Variants in COL26A1 observed in about 807,000 individuals in gnomAD.
COL26A1 encodes collagen alpha-1(XXVI) chain.
In COL26A1, 41 loss-of-function variants were observed where a neutral mutation model predicts 59.3. The observed-to-expected ratio is 0.69, with a 90% confidence interval of 0.54 to 0.90. COL26A1 has a LOEUF of 0.90. COL26A1 is among the 40% of genes least tolerant of loss of function. The pLI, the probability that COL26A1 is intolerant of heterozygous loss-of-function variation, is 0.00. For synonymous variants in COL26A1, 266 were observed against 256.0 expected (o/e 1.04, Z -0.37); for missense variants, 612 against 602.3 (o/e 1.02, Z -0.17).
In COL26A1 at chr7:101,544,115, T is replaced by A. The variant is rs1159556793; in HGVS notation, c.703+19T>A. The A allele has an allele frequency of 6.4e-7, 1 of 1,569,106 alleles. No homozygotes were observed. Among genetic ancestry groups the A allele is most frequent in the South Asian group, 1.2e-5 (1 of 86,140 alleles). On this transcript the variant is annotated intron_variant, in intron 6 of 12. Coordinates refer to ENST00000313669, the MANE Select transcript of COL26A1 (RefSeq NM_001278563.3). Reference sequence around the variant, plus strand: ...CCGCCTGGTAAGAAAACCCCCCACATATGTGATGTTGTCAACCTGCGGAAG... The same window carrying A: ...CCGCCTGGTAAGAAAACCCCCCACAAATGTGATGTTGTCAACCTGCGGAAG...
At chr7:101,511,046 G>A (rs1384256167) in intron 3 of COL26A1, among the ~76,000 whole-genome samples, 1 of 151,748 alleles carries the variant, frequency 6.6e-6, no homozygotes, top group African/African-American at 2.4e-5. Context: ...GACTACAGGC[G>A]CCCACCACCA....
intron 2 of COL26A1, among the ~76,000 whole-genome samples, chr7:101,424,327 G>C (rs1792592915): frequency 6.6e-6 from 1 of 152,204 alleles, no homozygotes; most frequent in African/African-American, 2.4e-5. Context: ...GCCGGGTGTG[G>C]TGGCTCACAC....
At chr7:101,549,706 G>A (rs1795820637) in intron 9 of COL26A1, among the ~76,000 whole-genome samples, 1 of 152,210 alleles carries the variant, frequency 6.6e-6, no homozygotes, top group African/African-American at 2.4e-5. Context: ...ATTAGCAGCA[G>A]TGACTCTTTG....
chr7:101,444,417 C>CT (rs71517174), intron 2 of COL26A1, among the ~76,000 whole-genome samples: 5,038 of 137,720 alleles, frequency 0.037, 249 homozygotes, highest in African/African-American at 0.11. Context: ...TTCCTTTCTT[C>CT]TTTTTTTTTT....
At position 101,433,736 on chromosome 7, in the gene COL26A1, G is replaced by C. The variant is rs560122422; in HGVS notation, c.281+13637G>C. On this transcript the variant is annotated intron_variant, in intron 2 of 12. Transcript: ENST00000313669. ...CAGGGTGGCTCGGAGAAAGAGGGGG[G>C]CCCTGTCAGAGCAGCAACAGGAGGG... 2.8e-3 allele frequency among the ~76,000 whole-genome samples: 429 copies of C among 152,166 alleles called. 2 individuals carry two copies. The highest frequency in any genetic ancestry group is 0.01 in the African/African-American group (417 of 41,534).
intron 3 of COL26A1, among the ~76,000 whole-genome samples, chr7:101,509,697 G>T (rs975108965): frequency 6.6e-6 from 1 of 152,098 alleles, no homozygotes; most frequent in Non-Finnish European, 1.5e-5. Context: ...GCAGCTCAGG[G>T]TTTGGCTTCC....
At chr7:101,471,094 G>T (rs1216507139) in intron 3 of COL26A1, among the ~76,000 whole-genome samples, 6 of 152,152 alleles carry the variant, frequency 3.9e-5, no homozygotes, top group Admixed American at 3.3e-4. Flanking sequence ...TTGGAGCTGA[G>T]GCTGGATGCT....
At chr7:101,399,266 A>AC (rs1336339243) in intron 1 of COL26A1, among the ~76,000 whole-genome samples, 2 of 152,154 alleles carry the variant, frequency 1.3e-5, no homozygotes, top group Non-Finnish European at 2.9e-5. Flanking sequence ...TAATTGTGCC[A>AC]CTGTACTCCA....
At chr7:101,469,568 C>T (rs1269602008) in intron 3 of COL26A1, among the ~76,000 whole-genome samples, 1 of 151,864 alleles carries the variant, frequency 6.6e-6, no homozygotes, top group Admixed American at 6.6e-5. Flanking sequence ...TAGCTCACTG[C>T]AATCTCCGCT....
chr7:101,372,527 A>G (rs1791219412), intron 1 of COL26A1, among the ~76,000 whole-genome samples: 1 of 152,288 alleles, frequency 6.6e-6, no homozygotes, highest in African/African-American at 2.4e-5. Context: ...TCTAGTGGAT[A>G]GAGACTAAAT....
At chr7:101,465,786 T>C (rs750811605) in intron 3 of COL26A1, among the ~76,000 whole-genome samples, 6 of 151,522 alleles carry the variant, frequency 4.0e-5, no homozygotes, top group Non-Finnish European at 7.4e-5. Context: ...CCCCTTCCCA[T>C]GTAACCGGAA....
At chr7:101,483,257 G>C (rs2130498106) in intron 3 of COL26A1, among the ~76,000 whole-genome samples, 1 of 151,856 alleles carries the variant, frequency 6.6e-6, no homozygotes, top group East Asian at 1.9e-4. Flanking sequence ...GAGTGCAGTG[G>C]CATGATCTTG....
At chr7:101,405,073 T>G (rs1302823410) in intron 1 of COL26A1, among the ~76,000 whole-genome samples, 5 of 151,538 alleles carry the variant, frequency 3.3e-5, no homozygotes, top group Non-Finnish European at 7.4e-5. Flanking sequence ...AATACAAAAA[T>G]TAGCCGGGCG....
chr7:101,539,027 C>T (rs1326521637), intron 4 of COL26A1, among the ~76,000 whole-genome samples: 1 of 152,230 alleles, frequency 6.6e-6, no homozygotes, highest in East Asian at 1.9e-4. Flanking sequence ...CTCACGGGGC[C>T]TCTGAGTCCT....
At chr7:101,384,230 G>GTTTTTGTTT (rs768170962) in intron 1 of COL26A1, among the ~76,000 whole-genome samples, 1,259 of 105,560 alleles carry the variant, frequency 0.012, 29 homozygotes, top group African/African-American at 0.047. Context: ...GTTCAGGCTG[G>GTTTTTGTTT]TTTTTTTTTT....
intron 3 of COL26A1, among the ~76,000 whole-genome samples, chr7:101,486,171 T>TAAAA (rs74805128): frequency 7.2e-6 from 1 of 138,300 alleles, no homozygotes; most frequent in Non-Finnish European, 1.6e-5. Flanking sequence ...AGACTGTCTC[T>TAAAA]AAAAAAAAAA....
chr7:101,506,874 TCTC>T (rs1193275715), intron 3 of COL26A1, among the ~76,000 whole-genome samples: 3 of 151,708 alleles, frequency 2.0e-5, no homozygotes, highest in African/African-American at 7.3e-5. Flanking sequence ...TCTGCAGCCT[TCTC>T]CTCCCTGCAC....
chr7:101,500,752 C>G (rs1794686553), intron 3 of COL26A1, among the ~76,000 whole-genome samples: 1 of 152,066 alleles, frequency 6.6e-6, no homozygotes, highest in Admixed American at 6.6e-5. Context: ...ACTCCAGAGG[C>G]TGAAGCTGCA....
chr7:101,391,699 C>T (rs1004295228), intron 1 of COL26A1, among the ~76,000 whole-genome samples: 1 of 152,088 alleles, frequency 6.6e-6, no homozygotes. Flanking sequence ...GGACTACAGG[C>T]GTGTGCCACC....
Sources: allele counts gnomAD v4.1 joint callset (sites outside exome capture counted in the v4.1 genomes callset), GRCh38; gene constraint gnomAD v4.1.1; transcripts MANE v1.5; gene names NCBI Gene and HGNC (gene_info 2026-07-23, HGNC 2026-07-21).